DLGAP2: variants seen among roughly 807,000 people sequenced by gnomAD.
The protein encoded by DLGAP2 is DLG associated protein 2, also known as disks large-associated protein 2.
In DLGAP2, 26 loss-of-function variants were observed where a neutral mutation model predicts 100.3. The ratio of observed to expected loss-of-function variants is 0.26; its 90% CI spans 0.19 to 0.36. The LOEUF is 0.36. DLGAP2 is among the 10% of genes least tolerant of loss of function. The probability of loss-of-function intolerance (pLI) is 1.00; values close to 1 mark genes in which losing one functional copy is unlikely to be tolerated. For missense variants in DLGAP2, 1,858 were observed against 1,453.2 expected, an observed-to-expected ratio of 1.28 and a Z score of -4.53; for synonymous variants, 886 against 630.1, an observed-to-expected ratio of 1.41 and a Z score of -6.08.
Position 1,046,410 on chromosome 8 carries a change from G to A in DLGAP2, c.73+138444G>A, listed in dbSNP as rs114126780. ...TCTAAATTCCCCCTCCCATTTCCCC[G>A]GCTGCCGTGCATATATGACTTTGCA... On this transcript the variant is annotated intron_variant, in intron 2 of 14. Transcript: ENST00000637795. Among the ~76,000 whole-genome samples, 411 of 152,156 alleles carry A rather than the reference G, an allele frequency of 2.7e-3. 2 individuals carry two copies. The highest frequency in any genetic ancestry group is 9.1e-3 in the African/African-American group (378 of 41,478).
chr8:1,568,693 C>T (rs1456079240), intron 6 of DLGAP2, among the ~76,000 whole-genome samples: 15 of 103,468 alleles, frequency 1.4e-4, no homozygotes, highest in Non-Finnish European at 1.9e-4. Context: ...CGTCTCTGCC[C>T]GTGGCCCCCA....
At chr8:778,948 C>T (rs1179100153) in intron 1 of DLGAP2, among the ~76,000 whole-genome samples, 1 of 152,224 alleles carries the variant, frequency 6.6e-6, no homozygotes. Context: ...GCCTCGCTGC[C>T]ACCTTGCAGT....
chr8:1,275,970 A>G (rs1371588933), intron 3 of DLGAP2, among the ~76,000 whole-genome samples: 3 of 130,046 alleles, frequency 2.3e-5, no homozygotes, highest in African/African-American at 8.8e-5. Flanking sequence ...TATATAATAT[A>G]TATAAATATA....
intron 2 of DLGAP2, among the ~76,000 whole-genome samples, chr8:1,119,351 T>C (rs1323753113): frequency 3.3e-5 from 5 of 152,244 alleles, no homozygotes; most frequent in African/African-American, 1.2e-4. Flanking sequence ...GAAGCTCCAG[T>C]TGCCTCCCCA....
chr8:1,232,677 A>G (rs1310411902), intron 2 of DLGAP2, among the ~76,000 whole-genome samples: 1 of 152,246 alleles, frequency 6.6e-6, no homozygotes, highest in African/African-American at 2.4e-5. Flanking sequence ...ATCTCTGTAA[A>G]GTAGGCACCC....
intron 3 of DLGAP2, among the ~76,000 whole-genome samples, chr8:1,486,973 C>T (rs1034163625): frequency 1.3e-5 from 2 of 152,102 alleles, no homozygotes; most frequent in Non-Finnish European, 2.9e-5. Context: ...TATTGGGGCC[C>T]GCCAAGCTGC....
At chr8:1,631,099 C>T (rs947753111) in intron 7 of DLGAP2, among the ~76,000 whole-genome samples, 5 of 152,162 alleles carry the variant, frequency 3.3e-5, no homozygotes, top group East Asian at 1.9e-4. Context: ...TTTTAATTCC[C>T]TGCTGGACCA....
rs1431617545 is a variant in DLGAP2, at chr8:1,340,595, T to G, written c.106+81712T>G. ...AAAACATAACAGATGCTGGTGAGGT[T>G]GTGGAGAGAAAGAAATGCTTACACA... On this transcript the variant is annotated intron_variant, in intron 3 of 14. Coordinates refer to ENST00000637795, the MANE Select transcript of DLGAP2 (RefSeq NM_001346810.2). 5.9e-5 allele frequency among the ~76,000 whole-genome samples: 9 copies of G among 152,300 alleles called. No individual in the cohort carries two copies. In the East Asian group the frequency reaches 7.7e-4, roughly 13 times the overall value.
chr8:894,124 C>T (rs1400727277), intron 1 of DLGAP2, among the ~76,000 whole-genome samples: 1 of 152,212 alleles, frequency 6.6e-6, no homozygotes, highest in African/African-American at 2.4e-5. Flanking sequence ...CTCCCTCTCC[C>T]ATGGCCACTG....
At chr8:1,383,345 G>T (rs1308813510) in intron 3 of DLGAP2, among the ~76,000 whole-genome samples, 1 of 152,180 alleles carries the variant, frequency 6.6e-6, no homozygotes, top group African/African-American at 2.4e-5. Flanking sequence ...GCCACTTCAT[G>T]CCAGATGCTA....
intron 2 of DLGAP2, among the ~76,000 whole-genome samples, chr8:948,966 C>T (rs1390917311): frequency 6.6e-6 from 1 of 151,058 alleles, no homozygotes; most frequent in African/African-American, 2.5e-5. Flanking sequence ...GTGGGCGTGA[C>T]TGCCGCCATC....
chr8:1,147,013 A>C (rs893878533), intron 2 of DLGAP2, among the ~76,000 whole-genome samples: 1 of 152,014 alleles, frequency 6.6e-6, no homozygotes, highest in Admixed American at 6.6e-5. Context: ...TCTGCCTCTC[A>C]GTTTTTAAAG....
At chr8:752,033 G>C (rs956421278) in intron 1 of DLGAP2, among the ~76,000 whole-genome samples, 1 of 152,194 alleles carries the variant, frequency 6.6e-6, no homozygotes, top group Non-Finnish European at 1.5e-5. Flanking sequence ...GCTTAGAAGA[G>C]GGTCTCCCTC....
intron 2 of DLGAP2, among the ~76,000 whole-genome samples, chr8:1,022,623 G>T (rs1325826117): frequency 2.9e-4 from 43 of 146,308 alleles, no homozygotes; most frequent in African/African-American, 1.1e-3. Context: ...TGCTTAGGTA[G>T]ATGCTCCAAA....
chr8:844,490 A>G lies in DLGAP2; in HGVS notation c.19-63422A>G, dbSNP rs548663198. ...GAACAAGGAAGTACTGGTAGACTAC[A>G]GTCTCTCTCGACCCCCTTTCCAGCC... On this transcript the variant is annotated intron_variant, in intron 1 of 14. Coordinates refer to ENST00000637795, the MANE Select transcript of DLGAP2 (RefSeq NM_001346810.2). 1.3e-4 allele frequency among the ~76,000 whole-genome samples: 20 copies of G among 152,148 alleles called. No individual in the cohort carries two copies. The South Asian group carries it at 4.2e-3, about 32-fold the overall frequency.
intron 2 of DLGAP2, among the ~76,000 whole-genome samples, chr8:1,205,344 C>T (rs1172173581): frequency 6.6e-6 from 1 of 152,036 alleles, no homozygotes; most frequent in African/African-American, 2.4e-5. Context: ...AGGGTCTTGG[C>T]TATTTGAGAA....
chr8:1,259,168 G>C (rs549433453), intron 3 of DLGAP2, among the ~76,000 whole-genome samples: 1 of 152,226 alleles, frequency 6.6e-6, no homozygotes, highest in Non-Finnish European at 1.5e-5. Context: ...CAGTTTCTGT[G>C]AGGTAACAGA....
chr8:1,609,185 G>A (rs1214437385), intron 6 of DLGAP2, among the ~76,000 whole-genome samples: 36 of 137,574 alleles, frequency 2.6e-4, no homozygotes, highest in Non-Finnish European at 5.2e-4. Context: ...GACTAACAGC[G>A]GATCTCTCGG....
chr8:830,894 C>CTTTTTTTTTTTTTTTTTTTTTT (rs5888818), intron 1 of DLGAP2, among the ~76,000 whole-genome samples: 1 of 110,648 alleles, frequency 9.0e-6, no homozygotes, highest in Non-Finnish European at 1.9e-5. Context: ...TCAGCTGTGA[C>CTTTTTTTTTTTTTTTTTTTTTT]TTTTTTTTTT....
Sources: allele counts gnomAD v4.1 joint callset (sites outside exome capture counted in the v4.1 genomes callset), GRCh38; gene constraint gnomAD v4.1.1; transcripts MANE v1.5; gene names NCBI Gene and HGNC (gene_info 2026-07-23, HGNC 2026-07-21).